CNTNAP5: variants seen among roughly 807,000 people sequenced by gnomAD.
The protein encoded by CNTNAP5 is contactin associated protein family member 5.
Under a neutral mutation model 150.2 loss-of-function variants are expected in CNTNAP5, and 72 were observed. The ratio of observed to expected loss-of-function variants is 0.48; its 90% confidence interval spans 0.40 to 0.58. The LOEUF (loss-of-function observed/expected upper bound fraction) is 0.58. Ranked by LOEUF, CNTNAP5 falls within the 20% of genes least tolerant of loss-of-function variation. The pLI is 0.00. For missense variants in CNTNAP5, 1,636 were observed against 1,626.2 expected, an observed-to-expected ratio of 1.01 and a Z score of -0.10; for synonymous variants, 672 against 619.8, an observed-to-expected ratio of 1.08 and a Z score of -1.25.
chr2:124,648,103 G>A, intron 13 of CNTNAP5, 145 bp downstream of exon 13: 1 of 685,164 alleles, frequency 1.5e-6, no homozygotes, highest in South Asian at 2.1e-5. Context: ...GAGGGGTCTG[G>A]TTATGTAGTA....
intron 16 of CNTNAP5, among the ~76,000 whole-genome samples, chr2:124,768,993 G>A (rs13429059): frequency 0.011 from 1,633 of 152,258 alleles, 32 homozygotes; most frequent in African/African-American, 0.037. Context: ...TAGAAGGCCA[G>A]AGAGATTAAC....
chr2:124,519,901 G>A (rs1224002995), intron 8 of CNTNAP5, among the ~76,000 whole-genome samples: 1 of 152,152 alleles, frequency 6.6e-6, no homozygotes, highest in East Asian at 1.9e-4. Flanking sequence ...GCCCTAGGCT[G>A]AATTCCAGCA....
intron 1 of CNTNAP5, among the ~76,000 whole-genome samples, chr2:124,206,079 G>T (rs1685856225): frequency 6.6e-6 from 1 of 152,208 alleles, no homozygotes; most frequent in African/African-American, 2.4e-5. Flanking sequence ...TTGATCCCAA[G>T]ATTGAGAACA....
chr2:124,738,103 A>AT lies in CNTNAP5; in HGVS notation c.2078-9118dup, dbSNP rs577522169. On this transcript the variant is annotated intron_variant, in intron 13 of 23. Transcript: ENST00000682447. The stretch of plus-strand genomic sequence containing the variant: ...TTTCCAACTCTGCTTTTCATTCATT[A>AT]TTTTTTTTACTGTGTGAATCGGTAT... Among the ~76,000 whole-genome samples the AT allele has an allele frequency of 1.2e-3, 177 of 151,950 alleles. 2 individuals carry two copies. Among genetic ancestry groups the AT allele is most frequent in the African/African-American group, 4.1e-3 (170 of 41,444 alleles).
intron 5 of CNTNAP5, among the ~76,000 whole-genome samples, chr2:124,438,147 T>C (rs1692582179): frequency 6.6e-6 from 1 of 152,160 alleles, no homozygotes; most frequent in African/African-American, 2.4e-5. Context: ...GACAGTTCTA[T>C]GGCAAAATTG....
chr2:124,776,616 CTT>C (rs1409663624), intron 17 of CNTNAP5, among the ~76,000 whole-genome samples: 7 of 152,160 alleles, frequency 4.6e-5, no homozygotes, highest in African/African-American at 7.2e-5. Context: ...GGAATAGTAA[CTT>C]ATATTTTATG....
intron 3 of CNTNAP5, among the ~76,000 whole-genome samples, chr2:124,269,184 C>T (rs567502578): frequency 1.3e-5 from 2 of 152,226 alleles, no homozygotes; most frequent in African/African-American, 4.8e-5. Context: ...TTGCTGACTT[C>T]CTAGTATTTT....
At chr2:124,511,575 G>A (rs561972446) in intron 8 of CNTNAP5, among the ~76,000 whole-genome samples, 2 of 152,346 alleles carry the variant, frequency 1.3e-5, no homozygotes, top group African/African-American at 4.8e-5. Flanking sequence ...GAGAGGATCA[G>A]TCTAGAATCA....
intron 2 of CNTNAP5, among the ~76,000 whole-genome samples, chr2:124,234,819 T>C (rs1373954773): frequency 1.3e-5 from 2 of 152,182 alleles, no homozygotes; most frequent in African/African-American, 2.4e-5. Context: ...CTGTCTTGAG[T>C]ACTGAGCGTC....
At chr2:124,303,942 G>A (rs1208927701) in intron 3 of CNTNAP5, among the ~76,000 whole-genome samples, 2 of 152,140 alleles carry the variant, frequency 1.3e-5, no homozygotes, top group Non-Finnish European at 2.9e-5. Context: ...TGAGAGGGAG[G>A]ATCACTTGAG....
In CNTNAP5 at chr2:124,446,919, C is replaced by T. The variant is rs1295884259; in HGVS notation, c.900C>T (p.Ala300=). 6.2e-7 allele frequency: 1 copy of T among 1,613,556 alleles called. No homozygotes were observed. The highest frequency in any genetic ancestry group is 1.3e-5 in the African/African-American group (1 of 75,034). Residue 300 remains alanine (A), a synonymous_variant, in exon 6 of 24, where the codon GCC becomes GCT. Transcript: ENST00000682447. ...QHFRTKGETD[A]LDIDYELSFG... is the part of the protein sequence containing the mutation. ...TCCGCACCAAGGGCGAGACGGATGC[C>T]TTAGACATTGACTATGAGGTGAGTT...
intron 16 of CNTNAP5, among the ~76,000 whole-genome samples, chr2:124,765,235 T>A (rs1411002627): frequency 2.0e-5 from 3 of 152,110 alleles, no homozygotes; most frequent in South Asian, 4.1e-4. Flanking sequence ...AGCAAAAAAA[T>A]TCTACTACAA....
intron 3 of CNTNAP5, among the ~76,000 whole-genome samples, chr2:124,270,775 C>A (rs1368921373): frequency 2.0e-5 from 3 of 152,112 alleles, no homozygotes; most frequent in Non-Finnish European, 2.9e-5. Flanking sequence ...AAAGTCATGT[C>A]AAATAATCAC....
At chr2:124,786,439 G>GAAAGAAAGA (rs1681589027) in intron 17 of CNTNAP5, among the ~76,000 whole-genome samples, 1 of 107,758 alleles carries the variant, frequency 9.3e-6, no homozygotes, top group African/African-American at 4.0e-5. Flanking sequence ...AGGAAGGAAG[G>GAAAGAAAGA]AAGGAAGGAA....
intron 10 of CNTNAP5, among the ~76,000 whole-genome samples, chr2:124,543,938 C>A (rs1370432161): frequency 6.9e-6 from 1 of 145,192 alleles, no homozygotes; most frequent in Non-Finnish European, 1.5e-5. Context: ...ACAATTGGAC[C>A]AGATGCTAGC....
In CNTNAP5 at chr2:124,404,250, G is replaced by A. The variant is rs967554141; in HGVS notation, c.382-13193G>A. Among the ~76,000 whole-genome samples, 14 of 152,326 alleles carry A rather than the reference G, an allele frequency of 9.2e-5. No individual in the cohort carries two copies. The East Asian group carries it at 2.3e-3, about 25-fold the overall frequency. ...GTCAAGGTCACTGATGCAGAATTTT[G>A]TTGTTGTACCTGTCATTTCTTGCAC... On this transcript the variant is annotated intron_variant, in intron 3 of 23. Transcript: ENST00000682447.
At chr2:124,882,558 G>C (rs946177610) in intron 21 of CNTNAP5, among the ~76,000 whole-genome samples, 8 of 152,104 alleles carry the variant, frequency 5.3e-5, no homozygotes, top group African/African-American at 1.9e-4. Flanking sequence ...TGGAAGGCCA[G>C]ATCTTCTCTA....
intron 3 of CNTNAP5, among the ~76,000 whole-genome samples, chr2:124,373,122 G>A (rs74914761): frequency 0.013 from 2,007 of 152,260 alleles, 17 homozygotes; most frequent in Non-Finnish European, 0.02. Flanking sequence ...GAGCAGTGCC[G>A]TTCTTGACAT....
intron 1 of CNTNAP5, among the ~76,000 whole-genome samples, chr2:124,205,437 G>A (rs959641616): frequency 7.3e-6 from 1 of 137,376 alleles, no homozygotes; most frequent in Non-Finnish European, 1.6e-5. Context: ...TTTTTTTTTG[G>A]AAATGGAGTC....
Sources: allele counts gnomAD v4.1 joint callset (sites outside exome capture counted in the v4.1 genomes callset), GRCh38; gene constraint gnomAD v4.1.1; transcripts MANE v1.5; gene names NCBI Gene and HGNC (gene_info 2026-07-23, HGNC 2026-07-21).